IL31RA: variants seen among roughly 807,000 people sequenced by gnomAD.
IL31RA encodes the protein interleukin-31 receptor subunit alpha.
Under a neutral mutation model 83.7 loss-of-function variants are expected in IL31RA, and 66 were observed. That is an observed-to-expected ratio of 0.79 (90% CI 0.65 to 0.97). IL31RA has a LOEUF of 0.97. Among genes scored for constraint, IL31RA ranks in the 50% least tolerant of loss-of-function variants. IL31RA has a pLI of 0.00. For synonymous variants in IL31RA, 325 were observed against 329.0 expected (o/e 0.99, Z 0.13); for missense variants, 798 against 919.4 (o/e 0.87, Z 1.71).
In IL31RA at chr5:55,859,551, A is replaced by G. The variant is rs930352223; in HGVS notation, c.106A>G (p.Thr36Ala). Residue 36 changes from threonine to alanine, a missense_variant, in exon 2 of 15, where the codon ACC (threonine) becomes GCC (alanine). Coordinates refer to ENST00000652347, the MANE Select transcript of IL31RA (RefSeq NM_139017.7). Reference sequence around the variant, plus strand: ...ATGTGTTAACCTGGGGATGATGTGGACCTGGGCACTGTGGATGCTCCCCTC... The same window carrying G: ...ATGTGTTAACCTGGGGATGATGTGGGCCTGGGCACTGTGGATGCTCCCCTC... ...PSCVNLGMMW[T>A]WALWMLPSLC... 3 of 1,612,936 alleles carry G rather than the reference A, an allele frequency of 1.9e-6. No homozygotes were observed. The highest frequency in any genetic ancestry group is 1.7e-5 in the Admixed American group (1 of 59,970).
At chr5:55,916,218 A>G (rs1483464288) in intron 14 of IL31RA, among the ~76,000 whole-genome samples, 2 of 151,984 alleles carry the variant, frequency 1.3e-5, no homozygotes, top group African/African-American at 4.8e-5. Context: ...CCATCTCTAC[A>G]AAAAATTAAA....
At chr5:55,883,552 T>C (rs571395844) in intron 5 of IL31RA, among the ~76,000 whole-genome samples, 4 of 152,336 alleles carry the variant, frequency 2.6e-5, no homozygotes, top group African/African-American at 9.6e-5. Flanking sequence ...AGGTATAACA[T>C]ACATTTGGAA....
chr5:55,872,212 TG>T, intron 3 of IL31RA, 57 bp from the exon 4 acceptor site: 2 of 1,255,454 alleles, frequency 1.6e-6, no homozygotes, highest in Middle Eastern at 2.5e-4. Context: ...ACATTAAATA[TG>T]GTTATGTTTC....
At chr5:55,893,620 A>G (rs1250964541) in intron 6 of IL31RA, among the ~76,000 whole-genome samples, 1 of 152,166 alleles carries the variant, frequency 6.6e-6, no homozygotes, top group Non-Finnish European at 1.5e-5. Flanking sequence ...TAATAACTAT[A>G]GAAGACTTAC....
intron 2 of IL31RA, among the ~76,000 whole-genome samples, chr5:55,867,915 C>T (rs1278899124): frequency 6.6e-6 from 1 of 152,134 alleles, no homozygotes; most frequent in African/African-American, 2.4e-5. Context: ...CCCCTGGGTC[C>T]TCCCACAACA....
chr5:55,861,872 C>T (rs1745711688), intron 2 of IL31RA, among the ~76,000 whole-genome samples: 1 of 152,190 alleles, frequency 6.6e-6, no homozygotes, highest in Non-Finnish European at 1.5e-5. Context: ...TCCTGCTCAG[C>T]CTTGCTCTTC....
At chr5:55,879,276 G>A (rs953587163) in intron 4 of IL31RA, among the ~76,000 whole-genome samples, 5 of 152,198 alleles carry the variant, frequency 3.3e-5, no homozygotes, top group African/African-American at 1.2e-4. Flanking sequence ...GTTTCAGGGA[G>A]AGGGTGGGGC....
At chr5:55,855,081 A>C (rs1745275607) in intron 1 of IL31RA, among the ~76,000 whole-genome samples, 1 of 152,060 alleles carries the variant, frequency 6.6e-6, no homozygotes, top group Non-Finnish European at 1.5e-5. Context: ...CAGTGTTATG[A>C]GTCTGCAGGT....
At position 55,901,894 on chromosome 5, in the gene IL31RA, C is replaced by T. The variant is rs539706786; in HGVS notation, c.1069+1762C>T. Among the ~76,000 whole-genome samples, 16 of 152,210 alleles carry T rather than the reference C, an allele frequency of 1.1e-4. 1 individual carries two copies. The South Asian group carries it at 2.3e-3, about 22-fold the overall frequency. On this transcript the variant is annotated intron_variant, in intron 8 of 14. Coordinates refer to ENST00000652347, the MANE Select transcript of IL31RA (RefSeq NM_139017.7). The stretch of plus-strand genomic sequence containing the variant: ...CCTCCCTAAGTGCTGGGATTACAGG[C>T]GTGAGCCACTGCTCCTGGCTTATTG...
chr5:55,843,019 C>T, the IL31RA span, among the ~76,000 whole-genome samples: 6 of 152,296 alleles, frequency 3.9e-5, no homozygotes, highest in Admixed American at 6.5e-5. Context: ...TCTTTAGGCC[C>T]TGCATTCTCA....
intron 4 of IL31RA, among the ~76,000 whole-genome samples, chr5:55,873,016 C>G (rs959271896): frequency 6.6e-6 from 1 of 152,094 alleles, no homozygotes; most frequent in African/African-American, 2.4e-5. Context: ...AATTTCAGAA[C>G]ATTTTTATTG....
intron 7 of IL31RA, among the ~76,000 whole-genome samples, chr5:55,899,464 GA>G (rs1748673048): frequency 6.6e-6 from 1 of 152,220 alleles, no homozygotes; most frequent in Admixed American, 6.5e-5. Context: ...TCCCTTCTCA[GA>G]GGGAGAGGCA....
chr5:55,854,269 G>A (rs963477105), intron 1 of IL31RA, among the ~76,000 whole-genome samples: 2 of 152,128 alleles, frequency 1.3e-5, no homozygotes, highest in South Asian at 2.1e-4. Flanking sequence ...TGAAACTGGA[G>A]GTAGTCATCT....
intron 6 of IL31RA, among the ~76,000 whole-genome samples, chr5:55,891,515 A>T (rs1747990933): frequency 6.6e-6 from 1 of 152,124 alleles, no homozygotes. Context: ...GGCTGCCTGC[A>T]TTCTTTGGCT....
chr5:55,922,055 G>GGT lies in IL31RA; in HGVS notation c.*4936_*4937insTG, dbSNP rs1750113524. Among the ~76,000 whole-genome samples, 1 of 14,944 alleles carries GGT rather than the reference G, an allele frequency of 6.7e-5. No individual in the cohort carries two copies. The allele number at this position is 14,944 out of a possible 152,430, so 9.8% of individuals were successfully genotyped here. On this transcript the variant is annotated 3_prime_UTR_variant, in exon 15 of 15. Transcript: ENST00000652347. ...GTGTCTTGCACTCTTATGTTGTGGC[G>GGT]GGGGGGGGGGGCGGTTCCTGAAGAG...
At chr5:55,840,692 C>T in the IL31RA span, among the ~76,000 whole-genome samples, 2 of 152,194 alleles carry the variant, frequency 1.3e-5, no homozygotes, top group African/African-American at 2.4e-5. Flanking sequence ...CTGCCCTTTG[C>T]TGTCTTATTC....
chr5:55,922,631 A>G lies in IL31RA; in HGVS notation c.*5511A>G. On this transcript the variant is annotated 3_prime_UTR_variant, in exon 15 of 15. Transcript: ENST00000652347. ...GTGCATGAGAAGTCTGTTATTAAGT[A>G]GAGTGTGAAAACATGGTTATGGTAA... is the stretch of plus-strand genomic sequence containing the variant. 1 of 550,378 alleles carries G rather than the reference A, an allele frequency of 1.8e-6. No individual in the cohort carries two copies. Among genetic ancestry groups the G allele is most frequent in the Non-Finnish European group, 3.2e-6 (1 of 310,162 alleles). 34.1% of individuals were successfully genotyped at this position (550,378 alleles called of 1,614,324 possible).
chr5:55,891,761 ATTTTTTTTTTT>A (rs35672011), intron 6 of IL31RA, among the ~76,000 whole-genome samples: 1,581 of 60,044 alleles, frequency 0.026, 33 homozygotes, highest in Middle Eastern at 0.2. Context: ...TTTGGACAAG[ATTTTTTTTTTT>A]TTTTTTTTTT....
At chr5:55,913,399 A>G in intron 12 of IL31RA, 78 bp from the exon 13 acceptor site, 1 of 904,280 alleles carries the variant, frequency 1.1e-6, no homozygotes, top group African/African-American at 1.6e-5. Flanking sequence ...TGAAGCTACT[A>G]GAAGAAAAAG....
Sources: allele counts gnomAD v4.1 joint callset (sites outside exome capture counted in the v4.1 genomes callset), GRCh38; gene constraint gnomAD v4.1.1; transcripts MANE v1.5; gene names NCBI Gene and HGNC (gene_info 2026-07-23, HGNC 2026-07-21).